MAPKAPK2: variants seen among roughly 807,000 people sequenced by gnomAD.
The protein encoded by MAPKAPK2 is MAP kinase-activated protein kinase 2.
MAPKAPK2 carries 9 observed loss-of-function variants against 48.8 expected under a neutral mutation model. That is an observed-to-expected ratio of 0.18 (90% CI 0.11 to 0.32). The LOEUF (loss-of-function observed/expected upper bound fraction) is 0.32. MAPKAPK2 is among the 10% of genes least tolerant of loss of function. The pLI is 1.00. For missense variants in MAPKAPK2, 331 were observed against 498.3 expected, an observed-to-expected ratio of 0.66 and a Z score of 3.20; for synonymous variants, 202 against 190.6, an observed-to-expected ratio of 1.06 and a Z score of -0.49.
intron 1 of MAPKAPK2, among the ~76,000 whole-genome samples, chr1:206,703,069 T>C (rs1325527131): frequency 6.6e-6 from 1 of 152,160 alleles, no homozygotes; most frequent in Non-Finnish European, 1.5e-5. Flanking sequence ...TTACTTGGCT[T>C]GATATCCCCA....
chr1:206,717,634 G>A (rs764442178), intron 1 of MAPKAPK2, among the ~76,000 whole-genome samples: 23 of 152,116 alleles, frequency 1.5e-4, no homozygotes, highest in Non-Finnish European at 3.4e-4. Flanking sequence ...AGTTATGCAA[G>A]GCCTCTCTTC....
chr1:206,699,813 G>A (rs1672739286), intron 1 of MAPKAPK2, among the ~76,000 whole-genome samples: 2 of 152,158 alleles, frequency 1.3e-5, no homozygotes, highest in South Asian at 4.1e-4. Flanking sequence ...CAGGGCTTGG[G>A]ATGGAGCTGA....
chr1:206,711,864 C>G (rs1215662179), intron 1 of MAPKAPK2, among the ~76,000 whole-genome samples: 4 of 152,126 alleles, frequency 2.6e-5, no homozygotes, highest in Non-Finnish European at 5.9e-5. Context: ...CTCAAGTGAT[C>G]CATCTGCCTC....
intron 1 of MAPKAPK2, among the ~76,000 whole-genome samples, chr1:206,716,566 C>T (rs140092698): frequency 1.3e-5 from 2 of 152,124 alleles, no homozygotes; most frequent in South Asian, 2.1e-4. Context: ...TCCTCCACCC[C>T]CTGTGAGATC....
intron 1 of MAPKAPK2, among the ~76,000 whole-genome samples, chr1:206,703,042 C>T (rs1226360677): frequency 9.2e-5 from 14 of 152,296 alleles, no homozygotes; most frequent in South Asian, 2.1e-4. Flanking sequence ...AAGCTCCTTG[C>T]GGACAAGAAC....
At chr1:206,692,207 G>C (rs1221855410) in intron 1 of MAPKAPK2, among the ~76,000 whole-genome samples, 5 of 148,028 alleles carry the variant, frequency 3.4e-5, no homozygotes, top group African/African-American at 1.2e-4. Context: ...TTGTCTTTGT[G>C]TGTGGCTGGG....
At position 206,704,162 on chromosome 1, in the gene MAPKAPK2, G is replaced by A. The variant is rs782133220; in HGVS notation, c.279+18654G>A. On this transcript the variant is annotated intron_variant, in intron 1 of 9. Coordinates refer to ENST00000367103, the MANE Select transcript of MAPKAPK2 (RefSeq NM_032960.4). The surrounding 1 kb of genome is among the most constrained non-coding windows in gnomAD (Gnocchi z 4.3). ...TAGTTTTTCCTGGAGTTGGGGAGGG[G>A]TCCTACTTTCAGATCCAAAAGAAAA... 6.6e-6 allele frequency among the ~76,000 whole-genome samples: 1 copy of A among 152,210 alleles called. No homozygotes were observed. The highest frequency in any genetic ancestry group is 1.5e-5 in the Non-Finnish European group (1 of 68,042).
At chr1:206,710,258 G>A (rs1185471649) in intron 1 of MAPKAPK2, among the ~76,000 whole-genome samples, 11 of 152,222 alleles carry the variant, frequency 7.2e-5, no homozygotes, top group Admixed American at 7.2e-4. Context: ...AGATCACTAT[G>A]TACATAACAG....
At chr1:206,720,721 C>G (rs963450333) in intron 1 of MAPKAPK2, among the ~76,000 whole-genome samples, 7 of 152,122 alleles carry the variant, frequency 4.6e-5, no homozygotes, top group African/African-American at 1.7e-4. Context: ...TGAGTTTATG[C>G]TGTACATAAG....
chr1:206,723,649 G>A (rs1040910447), intron 1 of MAPKAPK2, among the ~76,000 whole-genome samples: 1 of 152,216 alleles, frequency 6.6e-6, no homozygotes, highest in Non-Finnish European at 1.5e-5. Flanking sequence ...GCTCAGCCAG[G>A]CTTCTAATGC....
In MAPKAPK2 at chr1:206,732,052, C is replaced by CA; in HGVS notation, c.1059+135dup. On this transcript the variant is annotated intron_variant, in intron 9 of 9. Coordinates refer to ENST00000367103, the MANE Select transcript of MAPKAPK2 (RefSeq NM_032960.4). This position sits in a 1 kb window ranked among gnomAD's most constrained non-coding sequence, Gnocchi z 4.4. ...TCTCATCCCAGGGGTGTCTTCATGA[C>CA]AAGAACAGCGACCAGGCCACTTGGC... 6.2e-7 allele frequency: 1 copy of CA among 1,614,144 alleles called. No individual in the cohort carries two copies. The highest frequency in any genetic ancestry group is 1.1e-5 in the South Asian group (1 of 91,086).
rs1394689312 is a variant in MAPKAPK2, at chr1:206,728,861, C to T, written c.419+12C>T. ...ATTGTCATGGAATGGTAAGCAGCCA[C>T]TGTTCTAGTCCCGGCCCAGCCTGTT... On this transcript the variant is annotated intron_variant, in intron 2 of 9. Transcript: ENST00000367103. The T allele has an allele frequency of 2.5e-6, 4 of 1,613,756 alleles. No individual in the cohort carries two copies. Among genetic ancestry groups the T allele is most frequent in the Non-Finnish European group, 3.4e-6 (4 of 1,179,890 alleles).
At chr1:206,687,213 A>G (rs557868933) in intron 1 of MAPKAPK2, among the ~76,000 whole-genome samples, 40 of 152,360 alleles carry the variant, frequency 2.6e-4, no homozygotes, top group Non-Finnish European at 2.6e-4. Flanking sequence ...AGACTTCAGA[A>G]CAAAAGCTCC....
At position 206,691,482 on chromosome 1, in the gene MAPKAPK2, G is replaced by GATATATATATATATAT. The variant is rs56752335; in HGVS notation, c.279+5982_279+5997dup. 7.5e-3 allele frequency among the ~76,000 whole-genome samples: 577 copies of GATATATATATATATAT among 77,198 alleles called. 19 individuals carry two copies. The highest frequency in any genetic ancestry group is 0.037 in the East Asian group (144 of 3,852). 50.6% of individuals were successfully genotyped at this position (77,198 alleles called of 152,430 possible). Reference sequence around the variant, plus strand: ...AAAATACTGGTATTTTGTATTTTAAGATATATATATATATATATATATACA... The same window carrying GATATATATATATATAT: ...AAAATACTGGTATTTTGTATTTTAAGATATATATATATATATATATATATATATATATATATATACA... On this transcript the variant is annotated intron_variant, in intron 1 of 9. Coordinates refer to ENST00000367103, the MANE Select transcript of MAPKAPK2 (RefSeq NM_032960.4).
intron 1 of MAPKAPK2, among the ~76,000 whole-genome samples, chr1:206,720,014 A>G (rs138236079): frequency 1.5e-3 from 235 of 152,294 alleles, no homozygotes; most frequent in African/African-American, 5.6e-3. Context: ...TGTGTGGCAC[A>G]TGCTAGGCAC....
At position 206,723,352 on chromosome 1, in the gene MAPKAPK2, G is replaced by A. The variant is rs57419553; in HGVS notation, c.280-5358G>A. On this transcript the variant is annotated intron_variant, in intron 1 of 9. Transcript: ENST00000367103. ...CAAACACGGATGCAGTACTTATTAC[G>A]TGCCAAGCGTTATTCTTAGTTATTT... 5.3e-4 allele frequency among the ~76,000 whole-genome samples: 80 copies of A among 152,264 alleles called. No homozygotes were observed. The East Asian group carries it at 0.014, about 27-fold the overall frequency.
At chr1:206,711,185 A>T (rs1310641945) in intron 1 of MAPKAPK2, among the ~76,000 whole-genome samples, 1 of 152,238 alleles carries the variant, frequency 6.6e-6, no homozygotes. Flanking sequence ...AAAACATTTT[A>T]CAAAATGGGA....
At chr1:206,709,512 G>C (rs1382614663) in intron 1 of MAPKAPK2, among the ~76,000 whole-genome samples, 2 of 152,122 alleles carry the variant, frequency 1.3e-5, no homozygotes, top group Admixed American at 6.5e-5. Flanking sequence ...CTTTTTGGCA[G>C]CCACGTCATG....
intron 1 of MAPKAPK2, among the ~76,000 whole-genome samples, chr1:206,725,157 C>T (rs1673664867): frequency 6.6e-6 from 1 of 152,256 alleles, no homozygotes; most frequent in Admixed American, 6.5e-5. Flanking sequence ...GAACCTAGCC[C>T]TTCTTGCACA....
Sources: gnomAD v4.1 joint callset for allele counts (sites outside exome capture counted in the v4.1 genomes callset) on GRCh38, gnomAD v4.1.1 for gene constraint, Gnocchi (gnomAD v3.1) non-coding constraint, MANE v1.5 for transcripts, NCBI Gene and HGNC (gene_info 2026-07-23, HGNC 2026-07-21) for gene names.